Variants in MAF observed in about 807,000 individuals in gnomAD.
MAF encodes transcription factor Maf.
In MAF, 10 loss-of-function variants were observed where a neutral mutation model predicts 22.0. That is an observed-to-expected ratio of 0.45 (90% CI 0.28 to 0.77). The LOEUF is 0.77. Ranked by LOEUF, MAF falls within the 30% of genes least tolerant of loss-of-function variation. The pLI is 0.12. For synonymous variants in MAF, 337 were observed against 255.8 expected (o/e 1.32, Z -3.03); for missense variants, 544 against 548.4 (o/e 0.99, Z 0.08).
At chr16:79,421,638 A>ATTTTTTT in the MAF span, among the ~76,000 whole-genome samples, 21 of 144,782 alleles carry the variant, frequency 1.5e-4, no homozygotes, top group South Asian at 2.2e-4. Flanking sequence ...AAGAAAAGTG[A>ATTTTTTT]TTTTTTTTTT....
chr16:79,542,270 C>A, the MAF span, among the ~76,000 whole-genome samples: 1 of 152,168 alleles, frequency 6.6e-6, no homozygotes, highest in African/African-American at 2.4e-5. Flanking sequence ...CGGGCAGGAA[C>A]GCAAACAGGA....
At chr16:79,585,749 G>A (rs1597832262), downstream of MAF, 3 of 562,976 alleles carry the variant, frequency 5.3e-6, no homozygotes, top group East Asian at 6.0e-5. Flanking sequence ...AATGAAACAG[G>A]AACTTTTCAC....
the MAF span, among the ~76,000 whole-genome samples, chr16:79,344,454 C>T: frequency 1.3e-5 from 2 of 152,192 alleles, no homozygotes; most frequent in Non-Finnish European, 2.9e-5. Context: ...AGAGGGCGCT[C>T]TTAATAACTA....
At chr16:79,378,689 T>C in the MAF span, among the ~76,000 whole-genome samples, 4 of 152,234 alleles carry the variant, frequency 2.6e-5, no homozygotes, top group African/African-American at 9.6e-5. Context: ...TTTTTATGTT[T>C]TTGAAATGTA....
the MAF span, among the ~76,000 whole-genome samples, chr16:79,354,371 A>G: frequency 6.6e-6 from 1 of 152,110 alleles, no homozygotes; most frequent in Non-Finnish European, 1.5e-5. Context: ...GCAAATAGGA[A>G]GAAACCTAGT....
chr16:79,438,072 G>C, the MAF span, among the ~76,000 whole-genome samples: 1 of 152,154 alleles, frequency 6.6e-6, no homozygotes, highest in Admixed American at 6.5e-5. Flanking sequence ...AGAGACGCCA[G>C]GTCTGAGCAG....
the MAF span, among the ~76,000 whole-genome samples, chr16:79,422,515 T>A: frequency 2.6e-5 from 4 of 152,202 alleles, no homozygotes; most frequent in Non-Finnish European, 5.9e-5. Flanking sequence ...AGAGATTCAA[T>A]GAGCCTCTTT....
chr16:79,212,415 G>C, the MAF span: 485 of 378,732 alleles, frequency 1.3e-3, 2 homozygotes, highest in Middle Eastern at 2.2e-3. Context: ...AGACTCCTTT[G>C]CTAATGCTAT....
chr16:79,455,302 G>GTAAATAAA, the MAF span, among the ~76,000 whole-genome samples: 5 of 151,872 alleles, frequency 3.3e-5, no homozygotes, highest in Admixed American at 2.0e-4. Context: ...TCTCTTTGGG[G>GTAAATAAA]TAAATAAATA....
the MAF span, among the ~76,000 whole-genome samples, chr16:79,427,235 A>T: frequency 6.6e-6 from 1 of 152,204 alleles, no homozygotes; most frequent in Non-Finnish European, 1.5e-5. Context: ...ACAATCAATG[A>T]TCCAGAGGCA....
chr16:79,377,555 G>T, the MAF span, among the ~76,000 whole-genome samples: 13 of 152,160 alleles, frequency 8.5e-5, no homozygotes, highest in Admixed American at 6.5e-4. Flanking sequence ...GTCAATTTTG[G>T]CTTTTGTTGC....
At chr16:79,588,099 T>C (rs972573642) in intron 1 of MAF, among the ~76,000 whole-genome samples, 3 of 152,220 alleles carry the variant, frequency 2.0e-5, no homozygotes, top group African/African-American at 7.2e-5. Flanking sequence ...TACCTAACAA[T>C]TGAAGAGTTC....
At chr16:79,384,451 G>GAAAAA in the MAF span, among the ~76,000 whole-genome samples, 4 of 109,778 alleles carry the variant, frequency 3.6e-5, no homozygotes, top group Non-Finnish European at 5.3e-5. Context: ...GTCTCAAAAA[G>GAAAAA]AAAAAAAAAA....
the MAF span, among the ~76,000 whole-genome samples, chr16:79,505,435 G>T: frequency 0.032 from 4,942 of 152,234 alleles, 261 homozygotes; most frequent in African/African-American, 0.11. Context: ...CTTGTCAAAG[G>T]AGGAAGATTA....
the MAF span, among the ~76,000 whole-genome samples, chr16:79,442,383 T>A: frequency 0.015 from 2,251 of 152,120 alleles, 55 homozygotes; most frequent in African/African-American, 0.051. Context: ...TTATTTATTT[T>A]ATTTTAGAAA....
At chr16:79,403,187 A>G in the MAF span, among the ~76,000 whole-genome samples, 9 of 152,232 alleles carry the variant, frequency 5.9e-5, no homozygotes, top group African/African-American at 2.2e-4. Flanking sequence ...TCAATGCACC[A>G]GACTTTCTAG....
the MAF span, among the ~76,000 whole-genome samples, chr16:79,539,388 A>C: frequency 6.6e-6 from 1 of 152,026 alleles, no homozygotes; most frequent in East Asian, 1.9e-4. Context: ...CTGTAATCCC[A>C]ACTACTAGAG....
intron 1 of MAF, chr16:79,598,063 G>A (rs1913668027): frequency 4.8e-6 from 5 of 1,041,750 alleles, no homozygotes; most frequent in Non-Finnish European, 4.6e-6. Context: ...AAAAAAACCC[G>A]ATGGAACTCG....
the MAF span, among the ~76,000 whole-genome samples, chr16:79,359,801 C>CTTAAA: frequency 4.5e-4 from 68 of 152,232 alleles, no homozygotes; most frequent in African/African-American, 1.6e-3. Context: ...CACTGGCATT[C>CTTAAA]AGGAGGGAGT....
Sources: allele counts gnomAD v4.1 joint callset (sites outside exome capture counted in the v4.1 genomes callset), GRCh38; gene constraint gnomAD v4.1.1; transcripts MANE v1.5; gene names NCBI Gene and HGNC (gene_info 2026-07-23, HGNC 2026-07-21).